AK2: variants seen among roughly 807,000 people sequenced by gnomAD.
AK2 encodes the protein adenylate kinase 2, mitochondrial.
AK2 carries 15 observed loss-of-function variants against 24.6 expected under a neutral mutation model. The observed-to-expected ratio is 0.61, with a 90% CI of 0.41 to 0.94. The LOEUF (loss-of-function observed/expected upper bound fraction) is 0.94, where lower values mean the gene tolerates loss of function less well. Among genes scored for constraint, AK2 ranks in the 40% least tolerant of loss-of-function variants. The pLI is 0.00. For missense variants in AK2, 257 were observed against 304.1 expected, an observed-to-expected ratio of 0.85 and a Z score of 1.15; for synonymous variants, 102 against 114.0, an observed-to-expected ratio of 0.90 and a Z score of 0.67.
At chr1:33,033,164 A>C (rs1055443970) in intron 1 of AK2, among the ~76,000 whole-genome samples, 3 of 146,030 alleles carry the variant, frequency 2.1e-5, no homozygotes, top group Non-Finnish European at 4.6e-5. Context: ...TGTCTCAAAA[A>C]AAAAAAAAAG....
intron 3 of AK2, 56 bp downstream of exon 3, chr1:33,021,537 A>C: frequency 6.2e-7 from 1 of 1,606,298 alleles, no homozygotes; most frequent in Admixed American, 1.7e-5. Flanking sequence ...ATTAAGAAAG[A>C]CAAAGGACAA....
chr1:33,030,721 C>T (rs1468946700), intron 1 of AK2, among the ~76,000 whole-genome samples: 1 of 152,160 alleles, frequency 6.6e-6, no homozygotes, highest in African/African-American at 2.4e-5. Flanking sequence ...CTATTTTTAA[C>T]TGCATTTTAC....
At chr1:33,036,609 C>G in intron 1 of AK2, 127 bp downstream of exon 1, 1 of 876,644 alleles carries the variant, frequency 1.1e-6, no homozygotes, top group Non-Finnish European at 1.9e-6. Context: ...ACCGAGACCC[C>G]GGCCAGCGTT....
chr1:33,012,817 A>G lies in AK2; in HGVS notation c.*364T>C, dbSNP rs999493758. On this transcript the variant is annotated 3_prime_UTR_variant, in exon 6 of 6. Transcript: ENST00000672715. Reference sequence around the variant, plus strand: ...GAGGCTGAGGTGGGATAATTGCTTGAGCCCCAGGAGGCAGAGGTTGCCGTG... The same window carrying G: ...GAGGCTGAGGTGGGATAATTGCTTGGGCCCCAGGAGGCAGAGGTTGCCGTG... 2 of 1,146,242 alleles carry G rather than the reference A, an allele frequency of 1.7e-6. No homozygotes were observed. The highest frequency in any genetic ancestry group is 2.3e-6 in the Non-Finnish European group (2 of 858,420). 71.0% of individuals were successfully genotyped at this position (1,146,242 alleles called of 1,614,324 possible).
Position 33,022,545 on chromosome 1 carries a change from C to T in AK2, c.220-842G>A, listed in dbSNP as rs1287363520. 4.0e-5 allele frequency among the ~76,000 whole-genome samples: 6 copies of T among 151,664 alleles called. 1 individual carries two copies. The highest frequency in any genetic ancestry group is 2.6e-4 in the Admixed American group (4 of 15,192). On this transcript the variant is annotated intron_variant, in intron 2 of 5. Transcript: ENST00000672715. Reference sequence around the variant, plus strand: ...TAATTTTTTGTATTTTTAATAGAGACGGGGTTTCACCATGTTGGCCAGGCT... The same window carrying T: ...TAATTTTTTGTATTTTTAATAGAGATGGGGTTTCACCATGTTGGCCAGGCT...
At chr1:33,013,544 T>C in intron 5 of AK2, 142 bp from the exon 6 acceptor site, 1 of 1,451,056 alleles carries the variant, frequency 6.9e-7, no homozygotes, top group Non-Finnish European at 9.3e-7. Context: ...AGACAGGCAA[T>C]CCAGACCCTC....
In AK2 at chr1:33,012,548, T is replaced by C. The variant is rs1011286731; in HGVS notation, c.*633A>G. 2.3e-6 allele frequency: 3 copies of C among 1,313,144 alleles called. No individual in the cohort carries two copies. The highest frequency in any genetic ancestry group is 5.1e-5 in the East Asian group (1 of 19,652). 81.3% of individuals were successfully genotyped at this position (1,313,144 alleles called of 1,614,324 possible). A position where few individuals can be genotyped will look rare whatever the true frequency, so the allele number is the denominator to read the frequency against. On this transcript the variant is annotated 3_prime_UTR_variant, in exon 6 of 6. Transcript: ENST00000672715. ...TTCTGGAATTGCGGTCCCTGGAAGA[T>C]TACCTGGGTTAGTTCATTTTGGTCA...
At chr1:33,026,529 C>T (rs1639894577) in intron 1 of AK2, among the ~76,000 whole-genome samples, 2 of 152,226 alleles carry the variant, frequency 1.3e-5, no homozygotes, top group South Asian at 2.1e-4. Flanking sequence ...CTGTACTTGG[C>T]CGGGTGCAGT....
At position 33,009,769 on chromosome 1, in the gene AK2, G is replaced by T. The variant is rs1366100467; in HGVS notation, c.*3412C>A. 1 of 454,314 alleles carries T rather than the reference G, an allele frequency of 2.2e-6. No individual in the cohort carries two copies. Among genetic ancestry groups the T allele is most frequent in the Admixed American group, 2.3e-5 (1 of 42,564 alleles). The allele number at this position is 454,314 out of a possible 1,614,324, so 28.1% of individuals were successfully genotyped here. Reference sequence around the variant, plus strand: ...CTGCATAGGAGCTGAAGGTCAAGAGGTTGCAGGCTTATCTCATATGCACAT... The same window carrying T: ...CTGCATAGGAGCTGAAGGTCAAGAGTTTGCAGGCTTATCTCATATGCACAT... On this transcript the variant is annotated 3_prime_UTR_variant, in exon 6 of 6. Coordinates refer to ENST00000672715, the MANE Select transcript of AK2 (RefSeq NM_001625.4).
chr1:33,015,506 G>C (rs1267807309), intron 4 of AK2, among the ~76,000 whole-genome samples: 1 of 152,212 alleles, frequency 6.6e-6, no homozygotes, highest in East Asian at 1.9e-4. Flanking sequence ...TGCCAACCAA[G>C]TGTTTGTTTG....
Position 33,011,251 on chromosome 1 carries a change from G to A in AK2, c.*1930C>T. 1 of 1,299,696 alleles carries A rather than the reference G, an allele frequency of 7.7e-7. No homozygotes were observed. Among genetic ancestry groups the A allele is most frequent in the Non-Finnish European group, 1.0e-6 (1 of 997,438 alleles). The allele number at this position is 1,299,696 out of a possible 1,614,324, so 80.5% of individuals were successfully genotyped here. The stretch of plus-strand genomic sequence containing the variant: ...GGGAGCTGATTCTAAGATTCATGAT[G>A]CCACTGTCACCCAGAGAAGGATCCC... On this transcript the variant is annotated 3_prime_UTR_variant, in exon 6 of 6. Transcript: ENST00000672715.
intron 1 of AK2, 149 bp downstream of exon 1, chr1:33,036,587 T>G: frequency 1.4e-6 from 1 of 735,354 alleles, no homozygotes; most frequent in Non-Finnish European, 2.4e-6. Context: ...CTCTCCGAAA[T>G]GCCCCACCAG....
chr1:33,025,092 G>C (rs578183243), intron 1 of AK2, among the ~76,000 whole-genome samples: 2 of 150,326 alleles, frequency 1.3e-5, no homozygotes, highest in South Asian at 4.2e-4. Flanking sequence ...GGCTGAGGTA[G>C]GAGAATTATT....
At chr1:33,024,338 T>C (rs1178228062) in intron 2 of AK2, 104 bp downstream of exon 2, 1 of 1,491,596 alleles carries the variant, frequency 6.7e-7, no homozygotes. Flanking sequence ...TTTACATTAA[T>C]TAAATTAATC....
At position 33,012,061 on chromosome 1, in the gene AK2, CA is replaced by C; in HGVS notation, c.*1119del. The C allele has an allele frequency of 6.5e-7, 1 of 1,535,376 alleles. No individual in the cohort carries two copies. Among genetic ancestry groups the C allele is most frequent in the Non-Finnish European group, 8.7e-7 (1 of 1,146,698 alleles). ...CACAGGCAAACATTAAAAATAAAAGCAAATAAACCTACCCTGGTCTCTTTTT... is the reference window on the plus strand; with the variant it reads ...CACAGGCAAACATTAAAAATAAAAGCAATAAACCTACCCTGGTCTCTTTTT... On this transcript the variant is annotated 3_prime_UTR_variant, in exon 6 of 6. Coordinates refer to ENST00000672715, the MANE Select transcript of AK2 (RefSeq NM_001625.4).
intron 4 of AK2, among the ~76,000 whole-genome samples, chr1:33,017,475 G>C (rs1340205800): frequency 6.6e-6 from 1 of 152,194 alleles, no homozygotes; most frequent in Non-Finnish European, 1.5e-5. Flanking sequence ...ATACGGACCA[G>C]GATATTTTTT....
At chr1:33,036,660 A>G in intron 1 of AK2, 76 bp downstream of exon 1, 1 of 1,380,062 alleles carries the variant, frequency 7.2e-7, no homozygotes, top group Non-Finnish European at 1.0e-6. Flanking sequence ...GGGCAGGTCC[A>G]GGGCTTCTAG....
At chr1:33,031,433 G>A (rs916860067) in intron 1 of AK2, 10 of 361,472 alleles carry the variant, frequency 2.8e-5, no homozygotes, top group African/African-American at 4.3e-5. Flanking sequence ...TAAATCAGAT[G>A]ATACATGTAA....
intron 4 of AK2, among the ~76,000 whole-genome samples, chr1:33,015,957 C>G (rs990088152): frequency 3.0e-4 from 46 of 152,060 alleles, no homozygotes; most frequent in African/African-American, 1.1e-3. Flanking sequence ...GTAAAATGTG[C>G]TACTTTCTTT....
Sources: allele counts gnomAD v4.1 joint callset (sites outside exome capture counted in the v4.1 genomes callset), GRCh38; gene constraint gnomAD v4.1.1; transcripts MANE v1.5; gene names NCBI Gene and HGNC (gene_info 2026-07-23, HGNC 2026-07-21).